Variants in CACNA2D1 observed in about 807,000 individuals in gnomAD.
CACNA2D1 encodes the protein voltage-dependent calcium channel subunit alpha-2/delta-1.
In CACNA2D1, 53 loss-of-function variants were observed where a neutral mutation model predicts 171.5. The ratio of observed to expected loss-of-function variants is 0.31; its 90% CI spans 0.25 to 0.39. CACNA2D1 has a LOEUF of 0.39. Ranked by LOEUF, CACNA2D1 falls within the 10% of genes least tolerant of loss-of-function variation. The probability of loss-of-function intolerance (pLI) is 1.00; values close to 1 mark genes in which losing one functional copy is unlikely to be tolerated. For synonymous variants in CACNA2D1, 442 were observed against 443.1 expected (o/e 1.00, Z 0.03); for missense variants, 903 against 1,299.8 (o/e 0.69, Z 4.69).
chr7:82,329,903 A>G (rs1302127911), intron 3 of CACNA2D1, among the ~76,000 whole-genome samples: 3 of 152,130 alleles, frequency 2.0e-5, no homozygotes, highest in African/African-American at 7.2e-5. Flanking sequence ...ACCTCATGCT[A>G]TCTACACAGT....
chr7:82,173,074 T>C (rs1406117929), intron 3 of CACNA2D1, among the ~76,000 whole-genome samples: 1 of 151,986 alleles, frequency 6.6e-6, no homozygotes, highest in Non-Finnish European at 1.5e-5. Context: ...TCTTTCCTCC[T>C]TGGGAGTGCA....
At chr7:82,261,022 T>C (rs1807015026) in intron 3 of CACNA2D1, among the ~76,000 whole-genome samples, 1 of 151,886 alleles carries the variant, frequency 6.6e-6, no homozygotes, top group Non-Finnish European at 1.5e-5. Flanking sequence ...TAGCGCAGTC[T>C]CGGCTTACTG....
chr7:82,218,611 A>G (rs1801431961), intron 3 of CACNA2D1, among the ~76,000 whole-genome samples: 1 of 152,196 alleles, frequency 6.6e-6, no homozygotes, highest in Admixed American at 6.5e-5. Context: ...CCAGGAAGGA[A>G]GTACAGAACC....
chr7:82,216,700 A>G (rs1486586051), intron 3 of CACNA2D1, among the ~76,000 whole-genome samples: 1 of 152,162 alleles, frequency 6.6e-6, no homozygotes, highest in Non-Finnish European at 1.5e-5. Context: ...TCAGCTATCC[A>G]AAGACCAAGA....
At chr7:81,959,247 T>C in intron 38 of CACNA2D1, 28 bp downstream of exon 38, 1 of 1,477,722 alleles carries the variant, frequency 6.8e-7, no homozygotes, top group Non-Finnish European at 9.5e-7. Context: ...ATTTATAGTA[T>C]TTTAATCCAG....
intron 1 of CACNA2D1, among the ~76,000 whole-genome samples, chr7:82,400,763 C>T (rs1826303201): frequency 6.6e-6 from 1 of 151,150 alleles, no homozygotes; most frequent in South Asian, 2.1e-4. Flanking sequence ...TCAGAGTGAA[C>T]AGGCAACCTA....
chr7:82,385,646 G>GGTT (rs941224202), intron 1 of CACNA2D1, among the ~76,000 whole-genome samples: 8 of 141,642 alleles, frequency 5.6e-5, no homozygotes, highest in African/African-American at 2.3e-4. Flanking sequence ...GGGGTTTTTT[G>GGTT]GTTGTTTTGT....
intron 3 of CACNA2D1, among the ~76,000 whole-genome samples, chr7:82,211,374 A>C (rs949380875): frequency 6.6e-6 from 1 of 151,970 alleles, no homozygotes; most frequent in Admixed American, 6.6e-5. Flanking sequence ...CTCCACCCTT[A>C]AGTAAGCCCC....
At chr7:82,097,981 G>A (rs1388157018) in intron 6 of CACNA2D1, among the ~76,000 whole-genome samples, 3 of 152,172 alleles carry the variant, frequency 2.0e-5, no homozygotes, top group Admixed American at 2.0e-4. Context: ...GGGCATGGTG[G>A]CATGCATCTA....
At chr7:82,206,312 A>C (rs1328379914) in intron 3 of CACNA2D1, among the ~76,000 whole-genome samples, 2 of 152,078 alleles carry the variant, frequency 1.3e-5, no homozygotes, top group Admixed American at 1.3e-4. Flanking sequence ...CTGTTTAAAA[A>C]TTTACCAGTT....
chr7:82,105,507 T>C (rs1436497442), intron 6 of CACNA2D1, among the ~76,000 whole-genome samples: 2 of 149,276 alleles, frequency 1.3e-5, no homozygotes, highest in African/African-American at 2.5e-5. Context: ...GGTCAAAAAA[T>C]TCCTCTGACT....
chr7:82,291,662 T>TATATA (rs574414018), intron 3 of CACNA2D1, among the ~76,000 whole-genome samples: 4 of 125,694 alleles, frequency 3.2e-5, no homozygotes, highest in Admixed American at 1.6e-4. Flanking sequence ...TATATATATA[T>TATATA]TTTTTTTTCT....
intron 18 of CACNA2D1, chr7:82,001,761 T>C (rs1798628311): frequency 1.4e-6 from 1 of 712,340 alleles, no homozygotes; most frequent in Non-Finnish European, 2.1e-6. Flanking sequence ...CATGTCAACA[T>C]AGGTACGGGT....
intron 10 of CACNA2D1, among the ~76,000 whole-genome samples, chr7:82,042,648 C>T (rs563333520): frequency 2.0e-5 from 3 of 152,166 alleles, no homozygotes; most frequent in Admixed American, 6.6e-5. Flanking sequence ...GGGTAAAAAT[C>T]CTGGAGGGTT....
intron 3 of CACNA2D1, among the ~76,000 whole-genome samples, chr7:82,223,555 G>A (rs1024513404): frequency 3.3e-5 from 5 of 152,106 alleles, no homozygotes; most frequent in African/African-American, 9.7e-5. Flanking sequence ...AATGACATTC[G>A]GTAAATCATA....
At chr7:82,238,597 A>C (rs916727682) in intron 3 of CACNA2D1, among the ~76,000 whole-genome samples, 3 of 152,102 alleles carry the variant, frequency 2.0e-5, no homozygotes, top group Non-Finnish European at 4.4e-5. Context: ...GCAGAAAAAA[A>C]AGAAACGCTT....
intron 3 of CACNA2D1, among the ~76,000 whole-genome samples, chr7:82,220,487 C>T (rs79905169): frequency 0.084 from 12,803 of 151,770 alleles, 717 homozygotes; most frequent in Non-Finnish European, 0.11. Context: ...TACTGAGGAC[C>T]CAAAAAGCTT....
At chr7:81,984,831 A>G (rs1368271809) in intron 21 of CACNA2D1, 120 bp from the exon 22 acceptor site, 2 of 683,588 alleles carry the variant, frequency 2.9e-6, no homozygotes, top group Non-Finnish European at 2.7e-6. Flanking sequence ...AGGAAAAGAC[A>G]TATTACTTTG....
At chr7:82,119,887 G>C (rs1789510239) in intron 5 of CACNA2D1, among the ~76,000 whole-genome samples, 1 of 152,136 alleles carries the variant, frequency 6.6e-6, no homozygotes, top group African/African-American at 2.4e-5. Context: ...AAAGGAGTTA[G>C]ATCAACAGTC....
Sources: allele counts gnomAD v4.1 joint callset (sites outside exome capture counted in the v4.1 genomes callset), GRCh38; gene constraint gnomAD v4.1.1; transcripts MANE v1.5; gene names NCBI Gene and HGNC (gene_info 2026-07-23, HGNC 2026-07-21).